GRM7: variants seen among roughly 807,000 people sequenced by gnomAD.
GRM7 encodes the protein glutamate metabotropic receptor 7, also known as metabotropic glutamate receptor 7.
In GRM7, 35 loss-of-function variants were observed where a neutral mutation model predicts 84.5. That is an observed-to-expected ratio of 0.41 (90% CI 0.32 to 0.55). The LOEUF (loss-of-function observed/expected upper bound fraction) is 0.55, where lower values mean the gene tolerates loss of function less well. Among genes scored for constraint, GRM7 ranks in the 20% least tolerant of loss-of-function variants. The pLI is 0.19. For synonymous variants in GRM7, 487 were observed against 455.1 expected, an observed-to-expected ratio of 1.07 and a Z score of -0.89; for missense variants, 1,003 against 1,194.6, an observed-to-expected ratio of 0.84 and a Z score of 2.36.
chr3:7,026,898 T>C (rs1696002644), intron 1 of GRM7, among the ~76,000 whole-genome samples: 1 of 152,252 alleles, frequency 6.6e-6, no homozygotes, highest in Non-Finnish European at 1.5e-5. Context: ...CTTTCCAGCT[T>C]GATTTACTTC....
At chr3:7,588,261 G>A (rs1185025179) in intron 8 of GRM7, among the ~76,000 whole-genome samples, 1 of 152,152 alleles carries the variant, frequency 6.6e-6, no homozygotes, top group East Asian at 1.9e-4. Flanking sequence ...AATGAATAAA[G>A]CTATCCTCAA....
At chr3:7,106,034 T>C (rs898755423) in intron 1 of GRM7, among the ~76,000 whole-genome samples, 4 of 151,886 alleles carry the variant, frequency 2.6e-5, no homozygotes, top group African/African-American at 9.7e-5. Context: ...TCAAAAACTG[T>C]TGGGGGTACA....
intron 1 of GRM7, among the ~76,000 whole-genome samples, chr3:6,891,872 A>G (rs1243086414): frequency 1.3e-5 from 2 of 152,168 alleles, no homozygotes; most frequent in African/African-American, 2.4e-5. Flanking sequence ...AGGTAGGCCA[A>G]TCAGACATAG....
At chr3:6,889,976 G>C (rs1286242179) in intron 1 of GRM7, among the ~76,000 whole-genome samples, 3 of 152,220 alleles carry the variant, frequency 2.0e-5, no homozygotes, top group Non-Finnish European at 2.9e-5. Context: ...TGTACGTGTC[G>C]AGGAATTTAT....
chr3:7,311,248 ACTT>A (rs1700380639), intron 4 of GRM7, among the ~76,000 whole-genome samples: 1 of 152,310 alleles, frequency 6.6e-6, no homozygotes, highest in South Asian at 2.1e-4. Context: ...TTGAGAGACA[ACTT>A]CTTCTACAGG....
chr3:7,182,339 A>T (rs1000435239), intron 2 of GRM7, among the ~76,000 whole-genome samples: 2 of 152,132 alleles, frequency 1.3e-5, no homozygotes, highest in Admixed American at 6.5e-5. Flanking sequence ...GCTGCTCTGT[A>T]ATTAGCTATT....
intron 2 of GRM7, among the ~76,000 whole-genome samples, chr3:7,180,004 A>T (rs565489271): frequency 6.6e-6 from 1 of 152,320 alleles, no homozygotes; most frequent in African/African-American, 2.4e-5. Context: ...GTTAACAGGG[A>T]ATTTCAAAAT....
intron 8 of GRM7, among the ~76,000 whole-genome samples, chr3:7,667,919 A>G (rs1204666842): frequency 6.6e-6 from 1 of 151,630 alleles, no homozygotes; most frequent in Non-Finnish European, 1.5e-5. Flanking sequence ...CATGGCAACC[A>G]TTTCATTTTT....
At chr3:7,192,091 T>G (rs997015654) in intron 2 of GRM7, among the ~76,000 whole-genome samples, 1 of 152,072 alleles carries the variant, frequency 6.6e-6, no homozygotes, top group Non-Finnish European at 1.5e-5. Context: ...TAAATTGTAA[T>G]GCGAGCTAAG....
At chr3:6,907,186 T>C (rs1035052100) in intron 1 of GRM7, among the ~76,000 whole-genome samples, 16 of 152,138 alleles carry the variant, frequency 1.1e-4, no homozygotes, top group Admixed American at 2.0e-4. Flanking sequence ...AATACAGGCA[T>C]GAGCCACTAT....
At chr3:6,938,457 C>T (rs927628081) in intron 1 of GRM7, among the ~76,000 whole-genome samples, 15 of 152,094 alleles carry the variant, frequency 9.9e-5, no homozygotes, top group African/African-American at 2.7e-4. Context: ...AGCTACAGTC[C>T]GGTAAAATTG....
Position 7,144,776 on chromosome 3 carries a change from A to G in GRM7, c.520-1676A>G, listed in dbSNP as rs1243028787. On this transcript the variant is annotated intron_variant, in intron 1 of 9. Coordinates refer to ENST00000357716, the MANE Select transcript of GRM7 (RefSeq NM_000844.4). ...TCTGATCCTACATCTTGTCAATACC[A>G]AATCCTATTTTACTTGCATTAAACC... Among the ~76,000 whole-genome samples, 7 of 152,296 alleles carry G rather than the reference A, an allele frequency of 4.6e-5. No homozygotes were observed. The East Asian group carries it at 9.7e-4, about 21-fold the overall frequency.
At chr3:7,676,743 C>A (rs1016848871) in intron 8 of GRM7, among the ~76,000 whole-genome samples, 5 of 152,060 alleles carry the variant, frequency 3.3e-5, no homozygotes, top group Middle Eastern at 3.4e-3. Context: ...TATTTAGATA[C>A]ATAAATACCA....
intron 1 of GRM7, among the ~76,000 whole-genome samples, chr3:7,001,333 G>C (rs539156995): frequency 1.5e-4 from 23 of 152,282 alleles, no homozygotes; most frequent in Non-Finnish European, 3.2e-4. Context: ...CTGGGTGACA[G>C]AGTGAGACCC....
intron 3 of GRM7, among the ~76,000 whole-genome samples, chr3:7,304,393 C>G (rs536161436): frequency 7.6e-6 from 1 of 132,036 alleles, no homozygotes; most frequent in African/African-American, 2.8e-5. Context: ...TCTTGAAGAG[C>G]TTTTAGAACA....
chr3:7,169,098 T>C (rs1694900203), intron 2 of GRM7, among the ~76,000 whole-genome samples: 1 of 152,218 alleles, frequency 6.6e-6, no homozygotes, highest in African/African-American at 2.4e-5. Flanking sequence ...TGTCCTTTGC[T>C]GTTCCAGTGG....
chr3:7,508,866 A>T (rs968821808), intron 7 of GRM7, among the ~76,000 whole-genome samples: 17 of 152,148 alleles, frequency 1.1e-4, no homozygotes, highest in Non-Finnish European at 4.4e-5. Context: ...TGAAATAGGC[A>T]TTCCTAAGTC....
intron 1 of GRM7, among the ~76,000 whole-genome samples, chr3:6,870,004 TCTC>T (rs1251858598): frequency 6.6e-6 from 1 of 152,054 alleles, no homozygotes; most frequent in Non-Finnish European, 1.5e-5. Flanking sequence ...TCTCTCTCCT[TCTC>T]CTTTCCTCTT....
chr3:7,532,488 G>A (rs1357047572), intron 7 of GRM7, among the ~76,000 whole-genome samples: 4 of 151,888 alleles, frequency 2.6e-5, no homozygotes, highest in Non-Finnish European at 4.4e-5. Flanking sequence ...ATTTTTTATT[G>A]TGTCTATTTG....
Sources: gnomAD v4.1 joint callset for allele counts (sites outside exome capture counted in the v4.1 genomes callset) on GRCh38, gnomAD v4.1.1 for gene constraint, MANE v1.5 for transcripts, NCBI Gene and HGNC (gene_info 2026-07-23, HGNC 2026-07-21) for gene names.